ESRRB: variants seen among roughly 807,000 people sequenced by gnomAD.
The protein encoded by ESRRB is estrogen related receptor beta.
ESRRB carries 16 observed loss-of-function variants against 46.0 expected under a neutral mutation model. The observed-to-expected ratio is 0.35, with a 90% CI of 0.24 to 0.53. The LOEUF (loss-of-function observed/expected upper bound fraction) is 0.53. Ranked by LOEUF, ESRRB falls within the 20% of genes least tolerant of loss-of-function variation. The probability of loss-of-function intolerance (pLI) is 0.93; values close to 1 mark genes in which losing one functional copy is unlikely to be tolerated. For missense variants in ESRRB, 488 were observed against 607.4 expected (o/e 0.80, Z 2.07); for synonymous variants, 246 against 259.6 (o/e 0.95, Z 0.50).
At chr14:76,356,632 A>G (rs1459873007) in intron 1 of ESRRB, among the ~76,000 whole-genome samples, 2 of 151,870 alleles carry the variant, frequency 1.3e-5, no homozygotes, top group Admixed American at 6.6e-5. Context: ...CCATGTGTGC[A>G]CCCTCTTTTT....
At chr14:76,426,154 G>C (rs997517630) in intron 1 of ESRRB, among the ~76,000 whole-genome samples, 1 of 152,178 alleles carries the variant, frequency 6.6e-6, no homozygotes, top group African/African-American at 2.4e-5. Flanking sequence ...GGTGTTCAGG[G>C]GCCCAGGCTC....
At chr14:76,402,637 T>C (rs1278695362) in intron 1 of ESRRB, among the ~76,000 whole-genome samples, 1 of 152,216 alleles carries the variant, frequency 6.6e-6, no homozygotes, top group African/African-American at 2.4e-5. Context: ...GGCACTGTCA[T>C]GGTCAAGCTG....
At chr14:76,445,544 C>T (rs960706604) in intron 2 of ESRRB, among the ~76,000 whole-genome samples, 32 of 151,646 alleles carry the variant, frequency 2.1e-4, no homozygotes, top group Admixed American at 2.1e-3. Flanking sequence ...TGTTACCTCA[C>T]ACCCTGCCTC....
chr14:76,497,181 A>C (rs947342412), intron 6 of ESRRB, among the ~76,000 whole-genome samples: 1 of 151,980 alleles, frequency 6.6e-6, no homozygotes, highest in Non-Finnish European at 1.5e-5. Flanking sequence ...GCCTTGCTTC[A>C]TCTCCCACCT....
intron 1 of ESRRB, among the ~76,000 whole-genome samples, chr14:76,431,328 G>A (rs2139912551): frequency 6.6e-6 from 1 of 152,158 alleles, no homozygotes; most frequent in Non-Finnish European, 1.5e-5. Flanking sequence ...CACCGATGAT[G>A]ATCTCTTGTT....
At position 76,439,622 on chromosome 14, in the gene ESRRB, A is replaced by G; in HGVS notation, c.332A>G (p.Lys111Arg). ...GGCATCATGGAGGACTCGGCCATCAAGTGCGAGTACATGCTCAACGCCATC... is the reference window on the plus strand; with the variant it reads ...GGCATCATGGAGGACTCGGCCATCAGGTGCGAGTACATGCTCAACGCCATC... ...ASGIMEDSAI[K>R]CEYMLNAIPK... The change falls in exon 2 of 7, where the codon AAG (lysine) becomes AGG (arginine). Residue 111 changes from lysine (K) to arginine (R), a missense_variant. Transcript: ENST00000644823. 1 of 1,614,248 alleles carries G rather than the reference A, an allele frequency of 6.2e-7. No individual in the cohort carries two copies. Among genetic ancestry groups the G allele is most frequent in the Non-Finnish European group, 8.5e-7 (1 of 1,180,030 alleles).
chr14:76,469,930 TTTTTTTTTTTTTTC>T (rs1437198934), intron 3 of ESRRB, among the ~76,000 whole-genome samples: 26 of 87,596 alleles, frequency 3.0e-4, no homozygotes, highest in African/African-American at 3.9e-4. Flanking sequence ...TTTTTTGTTG[TTTTTTTTTTTTTTC>T]TTTTTTTTTT....
chr14:76,494,445 T>TA (rs1890345490), intron 6 of ESRRB, among the ~76,000 whole-genome samples: 1 of 152,046 alleles, frequency 6.6e-6, no homozygotes, highest in Non-Finnish European at 1.5e-5. Context: ...TAGCTGGGAT[T>TA]ACAGGCGCCT....
chr14:76,437,466 G>A (rs572354425), intron 1 of ESRRB, among the ~76,000 whole-genome samples: 2 of 152,280 alleles, frequency 1.3e-5, no homozygotes, highest in Admixed American at 1.3e-4. Flanking sequence ...GGGCTCTGTG[G>A]GTGTGATAAG....
At chr14:76,394,282 G>A (rs544961962) in intron 1 of ESRRB, among the ~76,000 whole-genome samples, 34 of 152,058 alleles carry the variant, frequency 2.2e-4, no homozygotes, top group African/African-American at 7.7e-4. Context: ...TGCCTCTGTC[G>A]TTCTAGGCCA....
intron 1 of ESRRB, chr14:76,407,643 A>G (rs1258275066): frequency 1.1e-6 from 1 of 935,448 alleles, no homozygotes; most frequent in Non-Finnish European, 1.3e-6. Flanking sequence ...GCCGATTCAC[A>G]CTCAGTCCAA....
At chr14:76,476,565 A>G (rs1254597858) in intron 3 of ESRRB, among the ~76,000 whole-genome samples, 4 of 152,218 alleles carry the variant, frequency 2.6e-5, no homozygotes, top group African/African-American at 7.2e-5. Context: ...CTAATTTTAA[A>G]AGTAATTGCC....
At chr14:76,490,811 C>T (rs368815209) in intron 5 of ESRRB, among the ~76,000 whole-genome samples, 266 of 152,270 alleles carry the variant, frequency 1.7e-3, no homozygotes, top group Non-Finnish European at 3.4e-3. Context: ...AGAGGGGCTC[C>T]GACCCTGGGA....
chr14:76,493,112 T>G (rs916422371), intron 6 of ESRRB, among the ~76,000 whole-genome samples: 1 of 152,180 alleles, frequency 6.6e-6, no homozygotes, highest in Non-Finnish European at 1.5e-5. Context: ...TGTCCTTGTG[T>G]GTTCAGTGGG....
chr14:76,392,422 G>A (rs567643688), intron 1 of ESRRB, among the ~76,000 whole-genome samples: 11 of 152,302 alleles, frequency 7.2e-5, no homozygotes, highest in Middle Eastern at 3.4e-3. Context: ...TAATACCTAC[G>A]TAGGGAGTCC....
Position 76,439,501 on chromosome 14 carries a change from G to T in ESRRB, c.211G>T (p.Gly71Cys). The change falls in exon 2 of 7, where the codon GGC becomes TGC. Residue 71 changes from glycine (G) to cysteine (C), a missense_variant. By Grantham distance (159) the Gly-to-Cys change is radical. Transcript: ENST00000644823. ...DASGGFGLAL[G>C]THANGLDSPP... ...CAGCGGCGGCTTTGGCCTGGCCCTG[G>T]GCACCCACGCCAACGGTCTGGACTC... 2 of 1,612,840 alleles carry T rather than the reference G, an allele frequency of 1.2e-6. No homozygotes were observed. Among genetic ancestry groups the T allele is most frequent in the Non-Finnish European group, 8.5e-7 (1 of 1,179,910 alleles).
At position 76,499,089 on chromosome 14, in the gene ESRRB, G is replaced by C. The variant is rs1595179319; in HGVS notation, c.*631G>C. 1 of 334,330 alleles carries C rather than the reference G, an allele frequency of 3.0e-6. No homozygotes were observed. The highest frequency in any genetic ancestry group is 5.9e-6 in the Non-Finnish European group (1 of 170,004). The allele number at this position is 334,330 out of a possible 1,614,324, so 20.7% of individuals were successfully genotyped here. ...CTTCCTGGGCACCCCACCCCTCGGG[G>C]CCTACCCCCCTGCCTGTCACCCACC... On this transcript the variant is annotated 3_prime_UTR_variant, in exon 7 of 7. Coordinates refer to ENST00000644823, the MANE Select transcript of ESRRB (RefSeq NM_001379180.1).
intron 1 of ESRRB, among the ~76,000 whole-genome samples, chr14:76,333,295 A>G (rs1424874023): frequency 2.4e-5 from 1 of 42,192 alleles, no homozygotes. Flanking sequence ...TATATATTAT[A>G]TATTTTATAT....
intron 1 of ESRRB, among the ~76,000 whole-genome samples, chr14:76,398,860 C>T (rs918629431): frequency 1.3e-5 from 2 of 152,164 alleles, no homozygotes; most frequent in Non-Finnish European, 2.9e-5. Context: ...CCTAGGTCTG[C>T]CTGCCTCCTA....
Sources: gnomAD v4.1 joint callset for allele counts (sites outside exome capture counted in the v4.1 genomes callset) on GRCh38, gnomAD v4.1.1 for gene constraint, MANE v1.5 for transcripts, NCBI Gene and HGNC (gene_info 2026-07-23, HGNC 2026-07-21) for gene names.